SIM1: variants seen among roughly 807,000 people sequenced by gnomAD.
The protein encoded by SIM1 is SIM bHLH transcription factor 1, also known as single-minded homolog 1.
A neutral mutation model predicts 78.2 loss-of-function variants in SIM1; 18 were observed. The ratio of observed to expected loss-of-function variants is 0.23; its 90% CI spans 0.16 to 0.34. The LOEUF is 0.34. SIM1 is among the 10% of genes least tolerant of loss of function. The pLI is 1.00. For synonymous variants in SIM1, 417 were observed against 385.2 expected (o/e 1.08, Z -0.97); for missense variants, 939 against 975.1 (o/e 0.96, Z 0.49).
At position 100,390,483 on chromosome 6, in the gene SIM1, T is replaced by C. The variant is rs762107149; in HGVS notation, c.2179A>G (p.Ile727Val). ...TTACAGCCCAAGGAATAGTTTCTAA[T>C]GGTTTCGCTGTCATATAAGTGCTCC... ...ALEHLYDSET[I>V]RNYSLGCNGS... Residue 727 changes from isoleucine to valine, a missense_variant, in exon 12 of 12, where the codon ATT (isoleucine) becomes GTT (valine). By Grantham distance (29) the Ile-to-Val change is conservative. Coordinates refer to ENST00000369208, the MANE Select transcript of SIM1 (RefSeq NM_005068.3). 9.3e-6 allele frequency: 15 copies of C among 1,614,066 alleles called. No individual in the cohort carries two copies. The South Asian group carries it at 1.2e-4, about 13-fold the overall frequency.
At chr6:100,438,432 G>T (rs1023314663) in intron 9 of SIM1, among the ~76,000 whole-genome samples, 1 of 152,142 alleles carries the variant, frequency 6.6e-6, no homozygotes, top group Non-Finnish European at 1.5e-5. Flanking sequence ...CACCTGCAAG[G>T]ATGGCCATAA....
chr6:100,394,134 T>C lies in SIM1; in HGVS notation c.1168-245A>G, dbSNP rs1770714919. 9.8e-6 allele frequency: 4 copies of C among 409,796 alleles called. No homozygotes were observed. The East Asian group carries it at 1.7e-4, about 17-fold the overall frequency. 25.4% of individuals were successfully genotyped at this position (409,796 alleles called of 1,614,324 possible). ...TGATGAAAGCAGGAGATAAAGATAA[T>C]AATGGCAACCATCGACTGAAGTACT... On this transcript the variant is annotated intron_variant, in intron 10 of 11. Coordinates refer to ENST00000369208, the MANE Select transcript of SIM1 (RefSeq NM_005068.3).
Position 100,426,069 on chromosome 6 carries a change from T to C in SIM1, c.999-5111A>G, listed in dbSNP as rs17241976. Among the ~76,000 whole-genome samples, 605 of 152,350 alleles carry C rather than the reference T, an allele frequency of 4.0e-3. 4 individuals are homozygous for C. The highest frequency in any genetic ancestry group is 6.4e-3 in the Non-Finnish European group (434 of 68,032). On this transcript the variant is annotated intron_variant, in intron 9 of 11. Coordinates refer to ENST00000369208, the MANE Select transcript of SIM1 (RefSeq NM_005068.3). ...ATGATTGGCATATGGAAAGGAACTG[T>C]GGCACATGCCATTTGACATATCCTT... is the stretch of plus-strand genomic sequence containing the variant.
chr6:100,419,200 A>G (rs748868515), intron 10 of SIM1, among the ~76,000 whole-genome samples: 1 of 152,188 alleles, frequency 6.6e-6, no homozygotes, highest in Non-Finnish European at 1.5e-5. Flanking sequence ...TCTTCTCTGC[A>G]GTGACTTTGA....
chr6:100,410,000 G>A (rs771071613), intron 10 of SIM1, among the ~76,000 whole-genome samples: 16 of 152,126 alleles, frequency 1.1e-4, no homozygotes, highest in South Asian at 2.1e-4. Context: ...TATGTTCTGC[G>A]TCAGAACCTT....
chr6:100,463,328 G>C lies in SIM1; in HGVS notation c.141C>G (p.Thr47=), dbSNP rs369709909. 5.6e-6 allele frequency: 9 copies of C among 1,613,420 alleles called. No individual in the cohort carries two copies. The South Asian group carries it at 9.9e-5, about 18-fold the overall frequency. ...ACACCACTCTCATTTTGAGATAGCT[G>C]GTCGTGAGTCTGATTATGGATGCTT... ...LDKASIIRLT[T]SYLKMRVVFP... The change falls in exon 2 of 12, where the codon ACC becomes ACG. Residue 47 remains threonine, a synonymous_variant. Transcript: ENST00000369208.
chr6:100,393,308 A>C (rs746479116), intron 11 of SIM1, among the ~76,000 whole-genome samples, 179 bp downstream of exon 11: 1 of 152,192 alleles, frequency 6.6e-6, no homozygotes, highest in Non-Finnish European at 1.5e-5. Context: ...TCAAAACTAA[A>C]TGTATTTAGC....
At chr6:100,408,100 C>T (rs1771096468) in intron 10 of SIM1, among the ~76,000 whole-genome samples, 2 of 151,950 alleles carry the variant, frequency 1.3e-5, no homozygotes, top group African/African-American at 4.8e-5. Context: ...TTTCTAGAAA[C>T]TATATAGTTT....
Position 100,448,506 on chromosome 6 carries a change from T to C in SIM1, c.716A>G (p.Asp239Gly), listed in dbSNP as rs747219514. The C allele has an allele frequency of 1.9e-6, 3 of 1,614,038 alleles. No individual in the cohort carries two copies. The highest frequency in any genetic ancestry group is 8.5e-7 in the Non-Finnish European group (1 of 1,180,024). Residue 239 changes from aspartate to glycine, a missense_variant, in exon 7 of 12, where the codon GAC becomes GGC. Coordinates refer to ENST00000369208, the MANE Select transcript of SIM1 (RefSeq NM_005068.3). ...SNMFMFRASL[D>G]MKLIFLDSRV... ...GGAGTCCAGAAAGATGAGCTTCATG[T>C]CCAGGCTGGCGCGGAACATAAACAT...
At chr6:100,412,681 GAAAAAGAAAGAAAGAA>G (rs1771259692) in intron 10 of SIM1, among the ~76,000 whole-genome samples, 3 of 72,344 alleles carry the variant, frequency 4.1e-5, no homozygotes, top group African/African-American at 5.3e-5. Flanking sequence ...GAGAAAGAAA[GAAAAAGAAAGAAAGAA>G]AGAAAGAAAG....
At chr6:100,437,901 T>A (rs1312945900) in intron 9 of SIM1, among the ~76,000 whole-genome samples, 1 of 152,168 alleles carries the variant, frequency 6.6e-6, no homozygotes, top group Admixed American at 6.5e-5. Context: ...GAAAATAGTT[T>A]CCAGTCCTGA....
At chr6:100,462,006 T>C (rs1217346569) in intron 2 of SIM1, among the ~76,000 whole-genome samples, 2 of 152,110 alleles carry the variant, frequency 1.3e-5, no homozygotes. Context: ...ATTTGAAAGT[T>C]TTCCTTTAGC....
At chr6:100,449,509 G>A in intron 5 of SIM1, 61 bp from the exon 6 acceptor site, 1 of 1,574,980 alleles carries the variant, frequency 6.3e-7, no homozygotes, top group Non-Finnish European at 8.7e-7. Flanking sequence ...GGGACAGCAC[G>A]CGTCTCTGCC....
At chr6:100,399,182 C>T (rs1407850011) in intron 10 of SIM1, among the ~76,000 whole-genome samples, 3 of 151,860 alleles carry the variant, frequency 2.0e-5, no homozygotes, top group East Asian at 3.9e-4. Context: ...TTTTTAATAA[C>T]CAAAAACTGG....
At chr6:100,461,581 C>A (rs928688134) in intron 2 of SIM1, among the ~76,000 whole-genome samples, 4 of 152,220 alleles carry the variant, frequency 2.6e-5, no homozygotes, top group African/African-American at 9.6e-5. Context: ...GAAAGGGAGC[C>A]CACTGAGACC....
chr6:100,434,947 G>T (rs1234189855), intron 9 of SIM1, among the ~76,000 whole-genome samples: 1 of 152,036 alleles, frequency 6.6e-6, no homozygotes. Flanking sequence ...ATCAATCAAA[G>T]AAAAAATATT....
Position 100,393,908 on chromosome 6 carries a change from G to C in SIM1, c.1168-19C>G, listed in dbSNP as rs1184168293. ...CCGAATACTGAAACCGAGTAGGGGA[G>C]AAAAGTCCATTTCAAAAATCAATCG... is the stretch of plus-strand genomic sequence containing the variant. On this transcript the variant is annotated intron_variant, in intron 10 of 11. Coordinates refer to ENST00000369208, the MANE Select transcript of SIM1 (RefSeq NM_005068.3). The C allele has an allele frequency of 6.6e-7, 1 of 1,516,798 alleles. No individual in the cohort carries two copies. Among genetic ancestry groups the C allele is most frequent in the Admixed American group, 2.2e-5 (1 of 44,646 alleles). 94.0% of individuals were successfully genotyped at this position (1,516,798 alleles called of 1,614,324 possible). A position where few individuals can be genotyped will look rare whatever the true frequency, so the allele number is the denominator to read the frequency against.
intron 10 of SIM1, 60 bp from the exon 11 acceptor site, chr6:100,393,949 C>A: frequency 2.0e-6 from 3 of 1,486,876 alleles, no homozygotes; most frequent in Non-Finnish European, 2.7e-6. Context: ...TAAGAGAAAA[C>A]AAACAAACAA....
chr6:100,416,181 G>A (rs1771396795), intron 10 of SIM1, among the ~76,000 whole-genome samples: 1 of 151,796 alleles, frequency 6.6e-6, no homozygotes, highest in Non-Finnish European at 1.5e-5. Flanking sequence ...TCCCTCTCAG[G>A]TTCATTTTCT....
Sources: allele counts gnomAD v4.1 joint callset (sites outside exome capture counted in the v4.1 genomes callset), GRCh38; gene constraint gnomAD v4.1.1; transcripts MANE v1.5; gene names NCBI Gene and HGNC (gene_info 2026-07-23, HGNC 2026-07-21).